The following GTF2E1 variants were observed in gnomAD, a reference collection of about 807,000 sequenced individuals.
GTF2E1 encodes the protein TFIIE alpha subunit.
A neutral mutation model predicts 34.9 loss-of-function variants in GTF2E1; 14 were observed. The observed-to-expected ratio is 0.40, with a 90% CI of 0.27 to 0.63. The LOEUF is 0.63. GTF2E1 is among the 20% of genes least tolerant of loss of function. The pLI, the probability that GTF2E1 is intolerant of heterozygous loss-of-function variation, is 0.39. For synonymous variants in GTF2E1, 188 were observed against 192.9 expected (o/e 0.97, Z 0.21); for missense variants, 469 against 557.7 (o/e 0.84, Z 1.60).
intron 1 of GTF2E1, among the ~76,000 whole-genome samples, chr3:120,748,653 G>A (rs1709131690): frequency 6.6e-6 from 1 of 152,190 alleles, no homozygotes; most frequent in Admixed American, 6.5e-5. Flanking sequence ...GGTTACTGTA[G>A]CCTTGTAGTA....
chr3:120,780,088 T>C (rs1463804036), intron 4 of GTF2E1, among the ~76,000 whole-genome samples: 1 of 152,192 alleles, frequency 6.6e-6, no homozygotes, highest in East Asian at 1.9e-4. Context: ...TTAAGTATGC[T>C]TAGTTTGCTT....
At chr3:120,779,606 T>A (rs1214601900) in intron 4 of GTF2E1, among the ~76,000 whole-genome samples, 1 of 152,226 alleles carries the variant, frequency 6.6e-6, no homozygotes. Flanking sequence ...TTCATTTTAA[T>A]GTGTTAATGA....
At chr3:120,780,817 C>A (rs1025495993) in intron 4 of GTF2E1, among the ~76,000 whole-genome samples, 2 of 152,168 alleles carry the variant, frequency 1.3e-5, no homozygotes, top group African/African-American at 4.8e-5. Context: ...GGATTCAAAT[C>A]TATGCTATAA....
chr3:120,750,498 AT>A (rs1465562872), intron 1 of GTF2E1, 24 bp from the exon 2 acceptor site: 31 of 1,422,438 alleles, frequency 2.2e-5, no homozygotes, highest in Non-Finnish European at 3.0e-5. Context: ...TACCTGGCTA[AT>A]TTTCTGTTTT....
At chr3:120,745,614 A>G (rs1471843888) in intron 1 of GTF2E1, among the ~76,000 whole-genome samples, 2 of 152,144 alleles carry the variant, frequency 1.3e-5, no homozygotes, top group East Asian at 3.8e-4. Context: ...AGGCTTGAGA[A>G]CTATTAGTCT....
Position 120,770,768 on chromosome 3 carries a change from G to A in GTF2E1, c.489G>A (p.Glu163=). The A allele has an allele frequency of 1.2e-6, 2 of 1,613,628 alleles. No individual in the cohort carries two copies. Among genetic ancestry groups the A allele is most frequent in the South Asian group, 2.2e-5 (2 of 91,074 alleles). The change falls in exon 3 of 5, where the codon GAG becomes GAA. Residue 163 remains glutamate, a synonymous_variant. Coordinates refer to ENST00000283875, the MANE Select transcript of GTF2E1 (RefSeq NM_005513.3). The part of the protein sequence containing the change: ...RCTFCHTEVE[E]DESAMPKKDA... ...CTTTTTGCCATACAGAGGTAGAAGA[G>A]GATGAATCAGCAATGCCCAAAAAAG...
intron 2 of GTF2E1, among the ~76,000 whole-genome samples, chr3:120,753,166 G>A (rs1709180315): frequency 6.6e-6 from 1 of 151,302 alleles, no homozygotes; most frequent in African/African-American, 2.4e-5. Flanking sequence ...CCTTTGGTCT[G>A]TACATTCCTT....
At chr3:120,765,299 T>C (rs917679906) in intron 2 of GTF2E1, among the ~76,000 whole-genome samples, 1 of 132,722 alleles carries the variant, frequency 7.5e-6, no homozygotes, top group Non-Finnish European at 1.6e-5. Context: ...ATAAAAGATA[T>C]TTTTTTCTTC....
chr3:120,763,852 T>TA (rs1185400671), intron 2 of GTF2E1, among the ~76,000 whole-genome samples: 1 of 152,186 alleles, frequency 6.6e-6, no homozygotes, highest in Non-Finnish European at 1.5e-5. Flanking sequence ...ACTCTTCTGT[T>TA]AAAAATCCTC....
At chr3:120,744,374 T>G (rs903608489) in intron 1 of GTF2E1, among the ~76,000 whole-genome samples, 3 of 152,146 alleles carry the variant, frequency 2.0e-5, no homozygotes, top group Non-Finnish European at 2.9e-5. Context: ...ATGCAGAGAT[T>G]TTGAACAAAG....
Position 120,750,956 on chromosome 3 carries a change from C to T in GTF2E1, c.404C>T (p.Thr135Ile). ...TTCAAATGTCCTGTCTGTAGTAGTACTTTCACAGACTTAGAAGCTAATCAG... is the reference window on the plus strand; with the variant it reads ...TTCAAATGTCCTGTCTGTAGTAGTATTTTCACAGACTTAGAAGCTAATCAG... ...ASFKCPVCSS[T>I]FTDLEANQLF... is the part of the protein sequence containing the mutation. The change falls in exon 2 of 5, where the codon ACT becomes ATT. Residue 135 changes from threonine to isoleucine, a missense_variant. Thr to Ile is a moderately conservative substitution (Grantham distance 89). Coordinates refer to ENST00000283875, the MANE Select transcript of GTF2E1 (RefSeq NM_005513.3). The T allele has an allele frequency of 6.2e-7, 1 of 1,613,726 alleles. No homozygotes were observed. The highest frequency in any genetic ancestry group is 8.5e-7 in the Non-Finnish European group (1 of 1,179,718).
chr3:120,761,210 G>A lies in GTF2E1; in HGVS notation c.449-9518G>A, dbSNP rs1474127211. Among the ~76,000 whole-genome samples the A allele has an allele frequency of 2.6e-5, 4 of 152,142 alleles. No individual in the cohort carries two copies. In the South Asian group the frequency reaches 6.2e-4, roughly 24 times the overall value. On this transcript the variant is annotated intron_variant, in intron 2 of 4. Coordinates refer to ENST00000283875, the MANE Select transcript of GTF2E1 (RefSeq NM_005513.3). ...AGATTTTTTAGCTTATTTTTGTAGC[G>A]TTGTTTATAGTATTCTCTGATGGTA...
At chr3:120,759,673 C>T (rs1004084862) in intron 2 of GTF2E1, among the ~76,000 whole-genome samples, 3 of 152,136 alleles carry the variant, frequency 2.0e-5, no homozygotes, top group African/African-American at 7.2e-5. Context: ...CCAGTTTTAC[C>T]AGCACCATTT....
intron 4 of GTF2E1, among the ~76,000 whole-genome samples, chr3:120,777,618 G>T (rs1709412593): frequency 6.6e-6 from 1 of 152,212 alleles, no homozygotes; most frequent in African/African-American, 2.4e-5. Flanking sequence ...GGTAGTGATG[G>T]TAAAGCAGCT....
intron 1 of GTF2E1, among the ~76,000 whole-genome samples, chr3:120,746,782 A>T (rs1050151470): frequency 6.6e-6 from 1 of 152,210 alleles, no homozygotes; most frequent in Non-Finnish European, 1.5e-5. Context: ...TGGACAACAG[A>T]GCAAGACACT....
intron 2 of GTF2E1, among the ~76,000 whole-genome samples, chr3:120,762,546 T>C (rs748295906): frequency 6.6e-6 from 1 of 152,254 alleles, no homozygotes; most frequent in Non-Finnish European, 1.5e-5. Context: ...TAATGCTTGG[T>C]CAACTTTTCA....
intron 4 of GTF2E1, among the ~76,000 whole-genome samples, chr3:120,777,586 T>C (rs1370159360): frequency 6.6e-6 from 1 of 152,212 alleles, no homozygotes; most frequent in Non-Finnish European, 1.5e-5. Context: ...ATACTAGAAA[T>C]TGTGAAGGTA....
At chr3:120,752,827 A>T (rs1709176957) in intron 2 of GTF2E1, among the ~76,000 whole-genome samples, 1 of 152,228 alleles carries the variant, frequency 6.6e-6, no homozygotes, top group African/African-American at 2.4e-5. Context: ...CAGCATGAAG[A>T]TGAAAAGAAG....
chr3:120,772,692 A>G (rs1471578008), intron 3 of GTF2E1, among the ~76,000 whole-genome samples: 1 of 152,140 alleles, frequency 6.6e-6, no homozygotes, highest in Admixed American at 6.6e-5. Flanking sequence ...CCTACACAAT[A>G]TACTATCTGA....
Sources: gnomAD v4.1 joint callset for allele counts (sites outside exome capture counted in the v4.1 genomes callset) on GRCh38, gnomAD v4.1.1 for gene constraint, MANE v1.5 for transcripts, NCBI Gene and HGNC (gene_info 2026-07-23, HGNC 2026-07-21) for gene names.